Variants in NBPF3 observed in about 807,000 individuals in gnomAD.
NBPF3 encodes the protein NBPF member 3.
In NBPF3, 57 loss-of-function variants were observed where a neutral mutation model predicts 78.1. The observed-to-expected ratio is 0.73, with a 90% CI of 0.59 to 0.91. The LOEUF (loss-of-function observed/expected upper bound fraction) is 0.91, where lower values mean the gene tolerates loss of function less well. Among genes scored for constraint, NBPF3 ranks in the 40% least tolerant of loss-of-function variants. NBPF3 has a pLI of 0.00. For synonymous variants in NBPF3, 182 were observed against 271.7 expected (o/e 0.67, Z 3.25); for missense variants, 510 against 715.3 (o/e 0.71, Z 3.27).
At chr1:21,448,631 C>G in intron 2 of NBPF3, among the ~76,000 whole-genome samples, 1 of 152,170 alleles carries the variant, frequency 6.6e-6, no homozygotes, top group East Asian at 1.9e-4. Context: ...TGTAGTAAAA[C>G]TTGGAAACGT....
intron 2 of NBPF3, among the ~76,000 whole-genome samples, chr1:21,454,586 A>G (rs1359021385): frequency 1.3e-5 from 2 of 152,164 alleles, no homozygotes; most frequent in East Asian, 3.9e-4. Context: ...AGAATGCAAT[A>G]TCTTCTTCCT....
intron 2 of NBPF3, among the ~76,000 whole-genome samples, chr1:21,463,605 A>G (rs920721842): frequency 6.6e-6 from 1 of 152,244 alleles, no homozygotes; most frequent in African/African-American, 2.4e-5. Context: ...AAATAGATAA[A>G]TGGACTTCAT....
At chr1:21,479,073 G>A (rs1458252346) in intron 9 of NBPF3, among the ~76,000 whole-genome samples, 2 of 152,182 alleles carry the variant, frequency 1.3e-5, no homozygotes, top group African/African-American at 4.8e-5. Flanking sequence ...CAAATCTATT[G>A]GGAAAAACAT....
upstream of NBPF3, among the ~76,000 whole-genome samples, chr1:21,439,232 T>C (rs1002140193): frequency 6.6e-6 from 1 of 152,104 alleles, no homozygotes; most frequent in African/African-American, 2.4e-5. Context: ...TGAGCTGAGA[T>C]TGTGCCACTG....
chr1:21,468,346 G>T lies in NBPF3; in HGVS notation c.134-342G>T, dbSNP rs185078156. On this transcript the variant is annotated intron_variant, in intron 2 of 14. Coordinates refer to ENST00000318249, the MANE Select transcript of NBPF3 (RefSeq NM_032264.6). ...GTGGTGACCCTCAGGTGAGACGAGG[G>T]TGCCTGTGTTTCAGCAAAGCCTGGG... 48 of 1,196,266 alleles carry T rather than the reference G, an allele frequency of 4.0e-5. No homozygotes were observed. In the Middle Eastern group the frequency reaches 1.0e-3, roughly 25 times the overall value. 74.1% of individuals were successfully genotyped at this position (1,196,266 alleles called of 1,614,324 possible).
chr1:21,457,352 A>ATATACATATATGTATG (rs1641667073), intron 2 of NBPF3, among the ~76,000 whole-genome samples: 1 of 144,182 alleles, frequency 6.9e-6, no homozygotes, highest in Non-Finnish European at 1.5e-5. Flanking sequence ...GTGTGTGTAT[A>ATATACATATATGTATG]TATATATATA....
intron 3 of NBPF3, among the ~76,000 whole-genome samples, chr1:21,469,921 A>G (rs1053892687): frequency 2.6e-5 from 4 of 152,170 alleles, no homozygotes; most frequent in African/African-American, 9.7e-5. Context: ...CCTCATCTGT[A>G]CATAGGGTAC....
intron 1 of NBPF3, among the ~76,000 whole-genome samples, chr1:21,443,561 G>T (rs1640787806): frequency 6.6e-6 from 1 of 152,148 alleles, no homozygotes; most frequent in South Asian, 2.1e-4. Context: ...GGGCTCACGT[G>T]ATGTGATATA....
At position 21,445,000 on chromosome 1, in the gene NBPF3, A is replaced by G. The variant is rs1199785248; in HGVS notation, c.-87A>G. 33 of 1,443,630 alleles carry G rather than the reference A, an allele frequency of 2.3e-5. No homozygotes were observed. The highest frequency in any genetic ancestry group is 2.6e-4 in the Middle Eastern group (1 of 3,854). The allele number at this position is 1,443,630 out of a possible 1,614,324, so 89.4% of individuals were successfully genotyped here. A position where few individuals can be genotyped will look rare whatever the true frequency, so the allele number is the denominator to read the frequency against. On this transcript the variant is annotated 5_prime_UTR_variant, in exon 2 of 15. Transcript: ENST00000318249. ...CCCAGGCGAAGGTTCCTGGTGACCC[A>G]GGCTCTCACCAGCCAATTGTCCCTT... is the stretch of plus-strand genomic sequence containing the variant.
intron 1 of NBPF3, among the ~76,000 whole-genome samples, chr1:21,441,103 C>T (rs931973651): frequency 6.6e-6 from 1 of 152,136 alleles, no homozygotes; most frequent in African/African-American, 2.4e-5. Context: ...GAGCTGCTTT[C>T]GAAAAGAAGT....
chr1:21,464,460 G>A (rs926400502), intron 2 of NBPF3, among the ~76,000 whole-genome samples: 4 of 151,802 alleles, frequency 2.6e-5, no homozygotes, highest in African/African-American at 9.7e-5. Flanking sequence ...AAGAGGGGGG[G>A]AATTGGAGAG....
At chr1:21,475,419 C>T (rs558285934) in intron 8 of NBPF3, among the ~76,000 whole-genome samples, 2 of 152,364 alleles carry the variant, frequency 1.3e-5, no homozygotes, top group South Asian at 4.1e-4. Flanking sequence ...TCCCTCTCCA[C>T]ACTGCTTTAA....
At chr1:21,470,102 T>C (rs1019552853) in intron 3 of NBPF3, among the ~76,000 whole-genome samples, 12 of 152,250 alleles carry the variant, frequency 7.9e-5, no homozygotes, top group Non-Finnish European at 2.9e-5. Context: ...CATGGCCTTA[T>C]GGTCTTACGT....
intron 2 of NBPF3, among the ~76,000 whole-genome samples, chr1:21,450,808 G>A (rs1429912780): frequency 6.6e-6 from 1 of 152,100 alleles, no homozygotes; most frequent in Admixed American, 6.5e-5. Context: ...CCTTACCTCC[G>A]TCGACCTGTG....
chr1:21,478,438 A>T lies in NBPF3; in HGVS notation c.1156+131A>T. Reference sequence around the variant, plus strand: ...GTGGGTGGAACCTATATATCAATGTAGATTTCAATCACTCTGGAATCGAGT... The same window carrying T: ...GTGGGTGGAACCTATATATCAATGTTGATTTCAATCACTCTGGAATCGAGT... On this transcript the variant is annotated intron_variant, in intron 9 of 14. Transcript: ENST00000318249. 2.8e-6 allele frequency: 3 copies of T among 1,080,544 alleles called. No individual in the cohort carries two copies. The South Asian group carries it at 3.7e-5, about 13-fold the overall frequency. 66.9% of individuals were successfully genotyped at this position (1,080,544 alleles called of 1,614,324 possible).
At chr1:21,470,230 A>G (rs1465201707) in intron 3 of NBPF3, among the ~76,000 whole-genome samples, 7 of 152,218 alleles carry the variant, frequency 4.6e-5, no homozygotes, top group African/African-American at 1.7e-4. Flanking sequence ...TGAAAGGGAA[A>G]CCATCAGTCC....
chr1:21,437,601 C>A (rs557948170), upstream of NBPF3: 27 of 582,464 alleles, frequency 4.6e-5, no homozygotes, highest in Non-Finnish European at 6.4e-5. Context: ...ACCAGTCGAG[C>A]CTTATGCGTG....
In NBPF3 at chr1:21,479,411, G is replaced by A; in HGVS notation, c.1208+11G>A. ...GGCCACAAGTCCCAGGTGAGTCTGA[G>A]AAATTATGGACAGTTAATTTGATGT... On this transcript the variant is annotated intron_variant, in intron 10 of 14. Transcript: ENST00000318249. The A allele has an allele frequency of 6.2e-7, 1 of 1,608,192 alleles. No homozygotes were observed. The highest frequency in any genetic ancestry group is 8.5e-7 in the Non-Finnish European group (1 of 1,177,552).
chr1:21,454,157 C>G (rs1486790470), intron 2 of NBPF3: 1 of 152,228 alleles, frequency 6.6e-6, no homozygotes, highest in East Asian at 1.9e-4. Context: ...AGCCTCCTAT[C>G]AAGTCCTCCC....
Sources: gnomAD v4.1 joint callset for allele counts (sites outside exome capture counted in the v4.1 genomes callset) on GRCh38, gnomAD v4.1.1 for gene constraint, MANE v1.5 for transcripts, NCBI Gene and HGNC (gene_info 2026-07-23, HGNC 2026-07-21) for gene names.